The following TEX11 variants were observed in gnomAD, a reference collection of about 807,000 sequenced individuals.
TEX11 encodes the protein testis-expressed protein 11.
Under a neutral mutation model 84.4 loss-of-function variants are expected in TEX11, and 7 were observed. The ratio of observed to expected loss-of-function variants is 0.08; its 90% CI spans 0.05 to 0.16. The LOEUF is 0.16. Among genes scored for constraint, TEX11 ranks in the 10% least tolerant of loss-of-function variants. The pLI is 1.00. For synonymous variants in TEX11, 264 were observed against 222.8 expected, an observed-to-expected ratio of 1.18 and a Z score of -1.64; for missense variants, 551 against 660.5, an observed-to-expected ratio of 0.83 and a Z score of 1.82.
intron 10 of TEX11, among the ~76,000 whole-genome samples, chrX:70,742,108 C>A (rs2090737224): frequency 9.0e-6 from 1 of 110,503 alleles, no homozygotes; most frequent in South Asian, 3.8e-4. Flanking sequence ...AGCAACAAGC[C>A]CACTCATGCT....
intron 28 of TEX11, among the ~76,000 whole-genome samples, chrX:70,545,130 G>A (rs779937012): frequency 4.5e-5 from 5 of 110,237 alleles, no homozygotes; most frequent in African/African-American, 1.3e-4. Context: ...GCTTGAACCC[G>A]GGAGGCAGAT....
At chrX:70,590,286 T>C (rs2088911350) in intron 25 of TEX11, among the ~76,000 whole-genome samples, 1 of 111,774 alleles carries the variant, frequency 8.9e-6, no homozygotes, top group Non-Finnish European at 1.9e-5. Flanking sequence ...CATATGTTTA[T>C]GTTCTTCCTT....
chrX:70,539,038 A>ATATATATATATATATTTT, intron 28 of TEX11, among the ~76,000 whole-genome samples: 10 of 41,245 alleles, frequency 2.4e-4, no homozygotes, highest in East Asian at 1.1e-3. Context: ...ATATATATAT[A>ATATATATATATATATTTT]TTTTTTTTTT....
At chrX:70,791,184 A>G (rs1418815913) in intron 9 of TEX11, among the ~76,000 whole-genome samples, 1 of 111,656 alleles carries the variant, frequency 9.0e-6, no homozygotes, top group Non-Finnish European at 1.9e-5. Context: ...AAGATCTATC[A>G]TAAAAACAGA....
intron 7 of TEX11, among the ~76,000 whole-genome samples, chrX:70,843,696 T>C (rs1025789444): frequency 2.7e-5 from 3 of 111,511 alleles, no homozygotes; most frequent in African/African-American, 9.8e-5. Flanking sequence ...AGAAAATTTT[T>C]GCAATCTACT....
intron 2 of TEX11, among the ~76,000 whole-genome samples, chrX:70,897,906 A>G (rs921284735): frequency 2.7e-5 from 3 of 111,460 alleles, no homozygotes; most frequent in African/African-American, 9.7e-5. Context: ...ATACACTCTA[A>G]TTTTATAATT....
rs1215010723 is a variant in TEX11, at chrX:70,747,669, T to A, written c.693-3450A>T. 1.1e-4 allele frequency among the ~76,000 whole-genome samples: 12 copies of A among 111,821 alleles called. No homozygotes were observed. The East Asian group carries it at 3.3e-3, about 31-fold the overall frequency. ...ATTACGTCCAAAGAATTTTTTAAAA[T>A]CGTGTTTAAAAATTAAAGGAAGGTC... On this transcript the variant is annotated intron_variant, in intron 9 of 29. Coordinates refer to ENST00000374333, the MANE Select transcript of TEX11 (RefSeq NM_031276.3).
At chrX:70,601,532 T>C (rs28878257) in intron 24 of TEX11, among the ~76,000 whole-genome samples, 3 of 34,548 alleles carry the variant, frequency 8.7e-5, no homozygotes, top group Non-Finnish European at 1.7e-4. Context: ...GCCAGCATCA[T>C]TCTTTTTTTT....
intron 17 of TEX11, among the ~76,000 whole-genome samples, chrX:70,649,603 G>A (rs1053371710): frequency 9.0e-6 from 1 of 111,469 alleles, no homozygotes; most frequent in African/African-American, 3.3e-5. Flanking sequence ...TTACCCTACA[G>A]AAGTAAAATA....
chrX:70,578,968 C>T (rs1262796449), intron 25 of TEX11, among the ~76,000 whole-genome samples: 1 of 107,200 alleles, frequency 9.3e-6, no homozygotes, highest in African/African-American at 3.4e-5. Flanking sequence ...GACAGGGTTT[C>T]GCCATGTTGG....
intron 9 of TEX11, among the ~76,000 whole-genome samples, chrX:70,806,059 C>T (rs769640475): frequency 1.3e-4 from 14 of 111,792 alleles, no homozygotes; most frequent in African/African-American, 4.2e-4. Context: ...TCTGGTGTTG[C>T]CAGACAACAA....
Position 70,670,532 on chromosome X carries a change from A to G in TEX11, c.1243-18T>C. The G allele has an allele frequency of 8.4e-7, 1 of 1,186,049 alleles. No individual in the cohort carries two copies. Among genetic ancestry groups the G allele is most frequent in the South Asian group, 1.9e-5 (1 of 51,469 alleles). ...TTTTGTACCTAAAGTTTAAAAAGAA[A>G]CAACAAAATCACAGCGATGTCGCTA... On this transcript the variant is annotated intron_variant, in intron 15 of 29. Transcript: ENST00000374333.
chrX:70,866,437 ACAGATTCACAG>A (rs925284905), intron 4 of TEX11, among the ~76,000 whole-genome samples: 37 of 110,409 alleles, frequency 3.4e-4, no homozygotes, highest in Non-Finnish European at 6.2e-4. Context: ...CCAGGACCAG[ACAGATTCACAG>A]CTGAATCCTA....
chrX:70,589,232 T>C (rs1334338538), intron 25 of TEX11, among the ~76,000 whole-genome samples: 1 of 108,639 alleles, frequency 9.2e-6, no homozygotes, highest in Non-Finnish European at 1.9e-5. Context: ...CATTCTGATA[T>C]TAGTCACCTT....
chrX:70,605,319 T>G (rs1488562839), intron 24 of TEX11, 82 bp downstream of exon 24: 1 of 612,908 alleles, frequency 1.6e-6, no homozygotes, highest in Non-Finnish European at 2.6e-6. Flanking sequence ...CTAAAGAGAA[T>G]CAAAAAGAAC....
chrX:70,573,372 C>T (rs1459407913), intron 25 of TEX11, among the ~76,000 whole-genome samples: 6 of 111,723 alleles, frequency 5.4e-5, no homozygotes, highest in African/African-American at 2.0e-4. Context: ...ACTTGGGTAT[C>T]TCCAGCTAAT....
chrX:70,896,624 G>A lies in TEX11; in HGVS notation c.37+11129C>T, dbSNP rs1040157576. 9.9e-5 allele frequency among the ~76,000 whole-genome samples: 11 copies of A among 111,195 alleles called. No homozygotes were observed. In the East Asian group the frequency reaches 1.1e-3, roughly 11 times the overall value. Reference sequence around the variant, plus strand: ...GCGAAGACTTGGAACCAACCCAAACGCCCATCAATGATAGAATGGATAAAG... The same window carrying A: ...GCGAAGACTTGGAACCAACCCAAACACCCATCAATGATAGAATGGATAAAG... On this transcript the variant is annotated intron_variant, in intron 2 of 29. Coordinates refer to ENST00000374333, the MANE Select transcript of TEX11 (RefSeq NM_031276.3).
At chrX:70,569,353 T>G (rs1030612044) in intron 25 of TEX11, among the ~76,000 whole-genome samples, 2 of 111,913 alleles carry the variant, frequency 1.8e-5, no homozygotes, top group African/African-American at 3.2e-5. Flanking sequence ...TGGTTTGAAT[T>G]TCCTCCTGTA....
At position 70,529,867 on chromosome X, in the gene TEX11, G is replaced by A; in HGVS notation, c.2653C>T (p.Leu885Phe). 1 of 1,210,966 alleles carries A rather than the reference G, an allele frequency of 8.3e-7. No individual in the cohort carries two copies. The highest frequency in any genetic ancestry group is 1.1e-6 in the Non-Finnish European group (1 of 895,248). The change falls in exon 29 of 30, where the codon CTT becomes TTT. Residue 885 changes from leucine (L) to phenylalanine (F), a missense_variant. Coordinates refer to ENST00000374333, the MANE Select transcript of TEX11 (RefSeq NM_031276.3). Reference sequence around the variant, plus strand: ...TCATAGCTTTCCTTGAAGGAGGTAAGGTGGTTAAGGAAACGCAAGGCCAGG... The same window carrying A: ...TCATAGCTTTCCTTGAAGGAGGTAAAGTGGTTAAGGAAACGCAAGGCCAGG... ...CGLALRFLNHLTSFKESYETQ... is the reference protein window; with the variant it reads ...CGLALRFLNHFTSFKESYETQ...
Sources: gnomAD v4.1 joint callset for allele counts (sites outside exome capture counted in the v4.1 genomes callset) on GRCh38, gnomAD v4.1.1 for gene constraint, MANE v1.5 for transcripts, NCBI Gene and HGNC (gene_info 2026-07-23, HGNC 2026-07-21) for gene names.